WDR59: variants seen among roughly 807,000 people sequenced by gnomAD.
WDR59 encodes GATOR2 complex protein WDR59.
WDR59 carries 100 observed loss-of-function variants against 131.2 expected under a neutral mutation model. That is an observed-to-expected ratio of 0.76 (90% CI 0.65 to 0.90). WDR59 has a LOEUF of 0.90. Among genes scored for constraint, WDR59 ranks in the 40% least tolerant of loss-of-function variants. The pLI, the probability that WDR59 is intolerant of heterozygous loss-of-function variation, is 0.00. For synonymous variants in WDR59, 601 were observed against 466.2 expected (o/e 1.29, Z -3.72); for missense variants, 1,203 against 1,262.2 (o/e 0.95, Z 0.71).
Position 74,935,996 on chromosome 16 carries a change from C to CA in WDR59, c.651+2153dup, listed in dbSNP as rs879688847. On this transcript the variant is annotated intron_variant, in intron 8 of 25. Coordinates refer to ENST00000262144, the MANE Select transcript of WDR59 (RefSeq NM_030581.4). ...CGGGTGACAGAGCAAGACTCCACCT[C>CA]AAAAAAAAAAAAAAAATTGTCTTCC... Among the ~76,000 whole-genome samples, 471 of 105,832 alleles carry CA rather than the reference C, an allele frequency of 4.5e-3. 1 individual carries two copies. Among genetic ancestry groups the CA allele is most frequent in the East Asian group, 7.2e-3 (26 of 3,614 alleles). 69.4% of individuals were successfully genotyped at this position (105,832 alleles called of 152,430 possible).
intron 13 of WDR59, 49 bp from the exon 14 acceptor site, chr16:74,912,411 C>CT: frequency 6.3e-7 from 1 of 1,580,130 alleles, no homozygotes; most frequent in African/African-American, 1.3e-5. Context: ...CATAAAGCGT[C>CT]TTTCGATGCA....
At chr16:74,957,326 C>G (rs892049038) in intron 2 of WDR59, among the ~76,000 whole-genome samples, 21 of 152,110 alleles carry the variant, frequency 1.4e-4, no homozygotes, top group African/African-American at 5.1e-4. Flanking sequence ...GGTGATCCAC[C>G]TGCCTCAGCC....
intron 19 of WDR59, among the ~76,000 whole-genome samples, chr16:74,893,215 C>G (rs1027278747): frequency 6.6e-6 from 1 of 152,190 alleles, no homozygotes; most frequent in African/African-American, 2.4e-5. Context: ...AAGTCACCTA[C>G]AGAGAGACTA....
At chr16:74,958,605 A>AAAAAAAAAAAAAAAAAAAAAAAAAAAAAC (rs2033412718) in intron 2 of WDR59, among the ~76,000 whole-genome samples, 1 of 141,940 alleles carries the variant, frequency 7.0e-6, no homozygotes, top group Non-Finnish European at 1.5e-5. Context: ...AAAAAAAAAA[A>AAAAAAAAAAAAAAAAAAAAAAAAAAAAAC]AAAAAAAAAA....
At chr16:74,952,986 G>T (rs1192399621) in intron 3 of WDR59, among the ~76,000 whole-genome samples, 3 of 152,036 alleles carry the variant, frequency 2.0e-5, no homozygotes, top group Non-Finnish European at 4.4e-5. Flanking sequence ...TTTCTGGAGG[G>T]TCTGCTAGTG....
At chr16:74,937,884 G>C (rs1002555420) in intron 8 of WDR59, among the ~76,000 whole-genome samples, 4 of 152,182 alleles carry the variant, frequency 2.6e-5, no homozygotes. Flanking sequence ...CAAATTCTAA[G>C]AGACGTATCA....
chr16:74,952,095 G>C (rs995356605), intron 3 of WDR59, among the ~76,000 whole-genome samples: 3 of 151,954 alleles, frequency 2.0e-5, no homozygotes, highest in East Asian at 1.9e-4. Context: ...GGGATAAGGT[G>C]TGAGGTGTGA....
At chr16:74,886,937 A>T (rs896709739) in intron 23 of WDR59, among the ~76,000 whole-genome samples, 1 of 152,170 alleles carries the variant, frequency 6.6e-6, no homozygotes, top group Non-Finnish European at 1.5e-5. Context: ...ACTAAAAAAA[A>T]TAAATAAATA....
At chr16:74,947,246 C>T (rs1356283023) in intron 6 of WDR59, among the ~76,000 whole-genome samples, 2 of 152,166 alleles carry the variant, frequency 1.3e-5, no homozygotes, top group African/African-American at 4.8e-5. Context: ...GTCGGGAGTT[C>T]AAGACCAGCT....
intron 6 of WDR59, among the ~76,000 whole-genome samples, chr16:74,945,806 T>C (rs543358861): frequency 1.4e-3 from 210 of 150,982 alleles, no homozygotes; most frequent in Non-Finnish European, 1.6e-3. Context: ...ACAGGCCACA[T>C]TCACATAACT....
intron 21 of WDR59, among the ~76,000 whole-genome samples, chr16:74,889,256 C>A (rs1277544805): frequency 1.3e-5 from 2 of 152,176 alleles, no homozygotes; most frequent in Non-Finnish European, 2.9e-5. Flanking sequence ...GTGCAATAAA[C>A]TGAACGCAAA....
In WDR59 at chr16:74,896,445, G is replaced by A. The variant is rs139760347; in HGVS notation, c.1867-2633C>T. On this transcript the variant is annotated intron_variant, in intron 18 of 25. Coordinates refer to ENST00000262144, the MANE Select transcript of WDR59 (RefSeq NM_030581.4). ...GGAGTTCGAGACCAGCCCGGCCCTG[G>A]CCCACATGGTGAAACCCTGTCTATA... is the stretch of plus-strand genomic sequence containing the variant. Among the ~76,000 whole-genome samples the A allele has an allele frequency of 4.7e-3, 716 of 152,222 alleles. 14 individuals are homozygous for A. In the Middle Eastern group the frequency reaches 0.054, roughly 12 times the overall value.
intron 25 of WDR59, among the ~76,000 whole-genome samples, chr16:74,877,326 A>G (rs1443720219): frequency 1.3e-5 from 2 of 152,170 alleles, no homozygotes; most frequent in Non-Finnish European, 2.9e-5. Context: ...AAAAACAACA[A>G]TTCCAAAGAA....
Position 74,974,369 on chromosome 16 carries a change from C to T in WDR59, c.55-8547G>A, listed in dbSNP as rs147690092. Among the ~76,000 whole-genome samples the T allele has an allele frequency of 4.0e-3, 612 of 152,140 alleles. 1 individual carries two copies. The highest frequency in any genetic ancestry group is 0.014 in the African/African-American group (576 of 41,518). ...AGGCCAAGTGTGTTGCTTCCTTAGG[C>T]CAGTTTTCTAATTTAATAATAATGG... On this transcript the variant is annotated intron_variant, in intron 1 of 25. Coordinates refer to ENST00000262144, the MANE Select transcript of WDR59 (RefSeq NM_030581.4).
At chr16:74,956,666 A>C in intron 2 of WDR59, 56 bp from the exon 3 acceptor site, 2 of 1,579,788 alleles carry the variant, frequency 1.3e-6, no homozygotes, top group Non-Finnish European at 1.7e-6. Context: ...ATTAGCATTA[A>C]GATAGAAAAG....
intron 8 of WDR59, among the ~76,000 whole-genome samples, chr16:74,937,565 A>G (rs1295836744): frequency 6.6e-6 from 1 of 152,204 alleles, no homozygotes; most frequent in Middle Eastern, 3.4e-3. Flanking sequence ...GCAGTGGATC[A>G]ATCTCAGCTC....
intron 25 of WDR59, among the ~76,000 whole-genome samples, chr16:74,880,244 G>A (rs1275107854): frequency 6.6e-6 from 1 of 152,004 alleles, no homozygotes; most frequent in Non-Finnish European, 1.5e-5. Flanking sequence ...TCAGGAGATC[G>A]AGACCATCCT....
intron 18 of WDR59, among the ~76,000 whole-genome samples, chr16:74,895,217 A>T (rs987143851): frequency 6.6e-6 from 1 of 152,138 alleles, no homozygotes; most frequent in African/African-American, 2.4e-5. Context: ...ATCATTTGTA[A>T]ATGCATGTTA....
At chr16:74,912,679 G>T (rs553004331) in intron 13 of WDR59, among the ~76,000 whole-genome samples, 1 of 152,068 alleles carries the variant, frequency 6.6e-6, no homozygotes, top group African/African-American at 2.4e-5. Context: ...GGAAATCAGG[G>T]GTCTCACAGC....
Sources: allele counts gnomAD v4.1 joint callset (sites outside exome capture counted in the v4.1 genomes callset), GRCh38; gene constraint gnomAD v4.1.1; transcripts MANE v1.5; gene names NCBI Gene and HGNC (gene_info 2026-07-23, HGNC 2026-07-21).